The following C10orf90 variants were observed in gnomAD, a reference collection of about 807,000 sequenced individuals.
C10orf90 encodes the protein chromosome 10 open reading frame 90.
Under a neutral mutation model 62.5 loss-of-function variants are expected in C10orf90, and 56 were observed. The ratio of observed to expected loss-of-function variants is 0.90; its 90% confidence interval spans 0.72 to 1.12. The LOEUF is 1.12. C10orf90 is among the 50% of genes most tolerant of loss of function. The pLI is 0.00. For synonymous variants in C10orf90, 386 were observed against 340.4 expected, an observed-to-expected ratio of 1.13 and a Z score of -1.47; for missense variants, 970 against 880.4, an observed-to-expected ratio of 1.10 and a Z score of -1.29.
chr10:126,585,464 G>GGAGGGAGGGA (rs1844849829), intron 2 of C10orf90, among the ~76,000 whole-genome samples: 1 of 149,450 alleles, frequency 6.7e-6, no homozygotes, highest in African/African-American at 2.5e-5. Context: ...AAGAAGGAAG[G>GGAGGGAGGGA]AAAGGAAGAG....
intron 7 of C10orf90, among the ~76,000 whole-genome samples, chr10:126,452,531 A>G (rs1859268481): frequency 6.6e-6 from 1 of 152,244 alleles, no homozygotes; most frequent in Non-Finnish European, 1.5e-5. Flanking sequence ...CACTTGGAAA[A>G]TAAAATCAAG....
chr10:126,621,679 C>A (rs1479610876), intron 2 of C10orf90, among the ~76,000 whole-genome samples: 1 of 152,150 alleles, frequency 6.6e-6, no homozygotes, highest in Non-Finnish European at 1.5e-5. Flanking sequence ...TAAGAATCCC[C>A]AATTTGGTTA....
chr10:126,442,631 GTGTATATATATA>G lies in C10orf90; in HGVS notation c.2189-12793_2189-12782del, dbSNP rs796949189. Among the ~76,000 whole-genome samples the G allele has an allele frequency of 8.7e-5, 8 of 91,870 alleles. No homozygotes were observed. The East Asian group carries it at 1.8e-3, about 20-fold the overall frequency. 60.3% of individuals were successfully genotyped at this position (91,870 alleles called of 152,430 possible). Reference sequence around the variant, plus strand: ...GAAGTTCCCTACTATTATTGTGTGTGTGTATATATATATATATATATATATATATATATATAT... The same window carrying G: ...GAAGTTCCCTACTATTATTGTGTGTGTATATATATATATATATATATATAT... On this transcript the variant is annotated intron_variant, in intron 7 of 9. Coordinates refer to ENST00000488181, the MANE Select transcript of C10orf90 (RefSeq NM_001350921.2).
intron 4 of C10orf90, among the ~76,000 whole-genome samples, chr10:126,486,526 AGTTT>A (rs1180262068): frequency 6.6e-6 from 1 of 152,224 alleles, no homozygotes; most frequent in Non-Finnish European, 1.5e-5. Flanking sequence ...TAAAAATATT[AGTTT>A]ATGTCCTGTA....
At chr10:126,651,625 A>G (rs1033350871) in intron 1 of C10orf90, among the ~76,000 whole-genome samples, 1 of 152,134 alleles carries the variant, frequency 6.6e-6, no homozygotes, top group African/African-American at 2.4e-5. Flanking sequence ...GAAACGTTAT[A>G]CAGAGCAGGA....
At chr10:126,559,528 A>G (rs1864853512) in intron 2 of C10orf90, among the ~76,000 whole-genome samples, 1 of 152,208 alleles carries the variant, frequency 6.6e-6, no homozygotes. Flanking sequence ...AGCCAGGAAA[A>G]GCCACCTGCC....
chr10:126,479,904 G>A (rs1861082154), intron 4 of C10orf90, among the ~76,000 whole-genome samples: 2 of 152,160 alleles, frequency 1.3e-5, no homozygotes, highest in South Asian at 2.1e-4. Context: ...AATTGGTTTC[G>A]ATGTGGGATA....
intron 2 of C10orf90, chr10:126,524,857 T>C: frequency 1.0e-6 from 1 of 984,686 alleles, no homozygotes; most frequent in Non-Finnish European, 1.2e-6. Flanking sequence ...GCTTCTCCCA[T>C]TAAGTGGAAA....
chr10:126,474,094 A>T (rs1860731338), intron 4 of C10orf90, among the ~76,000 whole-genome samples: 1 of 152,196 alleles, frequency 6.6e-6, no homozygotes, highest in African/African-American at 2.4e-5. Context: ...CTCACCTCAG[A>T]GCCACTGAAT....
At chr10:126,568,954 G>A (rs1216110433) in intron 2 of C10orf90, among the ~76,000 whole-genome samples, 1 of 152,168 alleles carries the variant, frequency 6.6e-6, no homozygotes, top group Non-Finnish European at 1.5e-5. Context: ...GGCCGGGCTG[G>A]CAGGAGGAGG....
chr10:126,667,991 A>G (rs997826453), intron 1 of C10orf90, among the ~76,000 whole-genome samples: 1 of 152,116 alleles, frequency 6.6e-6, no homozygotes, highest in Admixed American at 6.5e-5. Flanking sequence ...CCTTGTTCCT[A>G]TCAGAAGGAA....
rs116662288 is a variant in C10orf90, at chr10:126,665,781, G to T, written c.240+4460C>A. Among the ~76,000 whole-genome samples the T allele has an allele frequency of 5.9e-5, 9 of 152,272 alleles. No homozygotes were observed. In the South Asian group the frequency reaches 1.2e-3, roughly 21 times the overall value. ...TTTGCTGAGTGGAGGAGGTAGAGAC[G>T]GAAATTAGAGAGGCCAATGTAGCTG... On this transcript the variant is annotated intron_variant, in intron 1 of 9. Transcript: ENST00000488181.
intron 3 of C10orf90, among the ~76,000 whole-genome samples, chr10:126,509,127 C>T (rs1424642992): frequency 1.3e-5 from 2 of 152,156 alleles, no homozygotes; most frequent in African/African-American, 4.8e-5. Flanking sequence ...GCCTGGCAAA[C>T]GTGACCGTGA....
chr10:126,553,870 A>C (rs559768357), intron 2 of C10orf90, among the ~76,000 whole-genome samples: 1 of 152,308 alleles, frequency 6.6e-6, no homozygotes, highest in South Asian at 2.1e-4. Context: ...CAAGTTTTAG[A>C]AAGGATGTAG....
At chr10:126,432,482 C>T (rs1386780112) in intron 7 of C10orf90, among the ~76,000 whole-genome samples, 1 of 152,208 alleles carries the variant, frequency 6.6e-6, no homozygotes, top group East Asian at 1.9e-4. Context: ...AGTCAAAAAC[C>T]AGCTAAAGTA....
intron 2 of C10orf90, among the ~76,000 whole-genome samples, chr10:126,614,637 A>G (rs546911141): frequency 6.6e-6 from 1 of 152,122 alleles, no homozygotes; most frequent in East Asian, 1.9e-4. Flanking sequence ...ATCCTCCTCC[A>G]TTTATTTCTG....
Position 126,513,923 on chromosome 10 carries a change from G to A in C10orf90, c.330C>T (p.Tyr110=), listed in dbSNP as rs755887508. The part of the protein sequence containing the change: ...SLSNAGLRDS[Y]HSRRDQIALK... The stretch of plus-strand genomic sequence containing the variant: ...GGGCAATTTGATCTCTTCTACTGTG[G>A]TAGCTGTCCCGTAATCCTAGGCAAA... The change falls in exon 3 of 10, where the codon TAC becomes TAT. Residue 110 remains tyrosine, a synonymous_variant. Coordinates refer to ENST00000488181, the MANE Select transcript of C10orf90 (RefSeq NM_001350921.2). The A allele has an allele frequency of 6.2e-7, 1 of 1,612,562 alleles. No individual in the cohort carries two copies. Among genetic ancestry groups the A allele is most frequent in the South Asian group, 1.1e-5 (1 of 90,856 alleles).
At chr10:126,605,879 G>GCATGCATA (rs1845299212) in intron 2 of C10orf90, among the ~76,000 whole-genome samples, 1 of 142,698 alleles carries the variant, frequency 7.0e-6, no homozygotes, top group Admixed American at 6.8e-5. Context: ...ATACATACAT[G>GCATGCATA]CATACATACA....
At chr10:126,492,130 C>T (rs1861800254) in intron 4 of C10orf90, among the ~76,000 whole-genome samples, 1 of 152,188 alleles carries the variant, frequency 6.6e-6, no homozygotes, top group South Asian at 2.1e-4. Flanking sequence ...GTTTAGATAA[C>T]AGTAGTGTAC....
Sources: gnomAD v4.1 joint callset for allele counts (sites outside exome capture counted in the v4.1 genomes callset) on GRCh38, gnomAD v4.1.1 for gene constraint, MANE v1.5 for transcripts, NCBI Gene and HGNC (gene_info 2026-07-23, HGNC 2026-07-21) for gene names.